Variants in STEAP4 observed in about 807,000 individuals in gnomAD.
The protein encoded by STEAP4 is STEAP4 metalloreductase, also known as metalloreductase STEAP4.
A neutral mutation model predicts 43.6 loss-of-function variants in STEAP4; 36 were observed. That is an observed-to-expected ratio of 0.83 (90% CI 0.63 to 1.09). The LOEUF is 1.09. Among genes scored for constraint, STEAP4 ranks in the 50% least tolerant of loss-of-function variants. The pLI is 0.00. For synonymous variants in STEAP4, 191 were observed against 196.7 expected, an observed-to-expected ratio of 0.97 and a Z score of 0.24; for missense variants, 495 against 546.5, an observed-to-expected ratio of 0.91 and a Z score of 0.94.
rs1852542633 is a variant in STEAP4 at position 88,278,039 on chromosome 7, T to G, written c.*1359A>C. On this transcript the variant is annotated 3_prime_UTR_variant, in exon 5 of 5. Transcript: ENST00000380079. ...TTTTAATCATTTTTGTATAATGTCA[T>G]GTATAATATGTTATAATGAAAGTAA... 6.6e-6 allele frequency: 1 copy of G among 151,454 alleles called. No homozygotes were observed. The highest frequency in any genetic ancestry group is 2.4e-5 in the African/African-American group (1 of 41,266). 9.4% of individuals were successfully genotyped at this position (151,454 alleles called of 1,614,324 possible).
rs1852472694 is a variant in STEAP4 at position 88,273,699 on chromosome 7, T to A, written c.*5699A>T. 6.6e-6 allele frequency: 1 copy of A among 152,178 alleles called. No individual in the cohort carries two copies. Among genetic ancestry groups the A allele is most frequent in the East Asian group, 1.9e-4 (1 of 5,186 alleles). The allele number at this position is 152,178 out of a possible 1,614,324, so 9.4% of individuals were successfully genotyped here. A position where few individuals can be genotyped will look rare whatever the true frequency, so the allele number is the denominator to read the frequency against. ...TTTAAGCTCTGGAGAAGAGCTATCC[T>A]CTCCTTGACTGCCCCTTCGAGTCCT... On this transcript the variant is annotated 3_prime_UTR_variant, in exon 5 of 5. Transcript: ENST00000380079.
At chr7:88,296,907 A>C (rs1413593268) in intron 1 of STEAP4, among the ~76,000 whole-genome samples, 1 of 152,170 alleles carries the variant, frequency 6.6e-6, no homozygotes, top group Non-Finnish European at 1.5e-5. Context: ...AGTTTATTAA[A>C]AAAAAGAATG....
intron 1 of STEAP4, among the ~76,000 whole-genome samples, chr7:88,285,131 T>C (rs1042856876): frequency 6.6e-6 from 1 of 152,030 alleles, no homozygotes; most frequent in Non-Finnish European, 1.5e-5. Context: ...AAAAGTATCA[T>C]ACATACAAAA....
intron 1 of STEAP4, among the ~76,000 whole-genome samples, chr7:88,285,303 A>T (rs1020910798): frequency 6.6e-6 from 1 of 152,180 alleles, no homozygotes; most frequent in Admixed American, 6.5e-5. Context: ...CAACATATGT[A>T]TGAAAAATAT....
Position 88,282,944 on chromosome 7 carries a change from A to G in STEAP4, c.681T>C (p.Tyr227=), listed in dbSNP as rs1852650422. 6.2e-7 allele frequency: 1 copy of G among 1,613,954 alleles called. No individual in the cohort carries two copies. The highest frequency in any genetic ancestry group is 1.3e-5 in the African/African-American group (1 of 74,936). Residue 227 remains tyrosine (Y), a synonymous_variant, in exon 3 of 5, where the codon TAT becomes TAC. Coordinates refer to ENST00000380079, the MANE Select transcript of STEAP4 (RefSeq NM_024636.4). ...ATGTATTATCTTTCTTTTCATAAAC[A>G]TAAGGGTAGATTACGTCTCTTATAA... ...YCVIRDVIYP[Y]VYEKKDNTFR... is the part of the protein sequence containing the mutation.
At chr7:88,289,062 G>A (rs528623899) in intron 1 of STEAP4, among the ~76,000 whole-genome samples, 3 of 109,804 alleles carry the variant, frequency 2.7e-5, no homozygotes, top group South Asian at 2.4e-4. Context: ...ATGCATGCGC[G>A]TGTGTGTGTG....
At chr7:88,291,080 T>C (rs1156603277) in intron 1 of STEAP4, 1 of 152,116 alleles carries the variant, frequency 6.6e-6, no homozygotes, top group African/African-American at 2.4e-5. Flanking sequence ...TTGAATCAAG[T>C]ATCTAATTAA....
At chr7:88,287,242 C>A (rs530924502) in intron 1 of STEAP4, among the ~76,000 whole-genome samples, 3 of 152,312 alleles carry the variant, frequency 2.0e-5, no homozygotes, top group Admixed American at 6.5e-5. Flanking sequence ...GTCAGCAGCA[C>A]CCCACTGGCA....
chr7:88,295,089 C>T (rs914609211), intron 1 of STEAP4, among the ~76,000 whole-genome samples: 2 of 152,072 alleles, frequency 1.3e-5, no homozygotes, highest in Admixed American at 6.6e-5. Context: ...AGACAACAGT[C>T]TTTCATCAGT....
At position 88,271,871 on chromosome 7, in the gene STEAP4, G is replaced by T. The variant is rs1416227577; in HGVS notation, c.*7527C>A. ...ATTTGGATTTTTGCCCATCTACTAG[G>T]TGAGAAATGGTATTGATACAGTTAC... On this transcript the variant is annotated 3_prime_UTR_variant, in exon 5 of 5. Coordinates refer to ENST00000380079, the MANE Select transcript of STEAP4 (RefSeq NM_024636.4). 1 of 152,192 alleles carries T rather than the reference G, an allele frequency of 6.6e-6. No homozygotes were observed. The highest frequency in any genetic ancestry group is 1.5e-5 in the Non-Finnish European group (1 of 68,036). 9.4% of individuals were successfully genotyped at this position (152,192 alleles called of 1,614,324 possible).
At chr7:88,301,658 C>T (rs1045020681) in intron 1 of STEAP4, among the ~76,000 whole-genome samples, 2 of 151,876 alleles carry the variant, frequency 1.3e-5, no homozygotes, top group African/African-American at 4.8e-5. Flanking sequence ...ATTCTCCCAC[C>T]TCAGCCTCCT....
Position 88,284,099 on chromosome 7 carries a change from T to C in STEAP4, c.171A>G (p.Leu57=). The C allele has an allele frequency of 1.9e-6, 3 of 1,614,176 alleles. No individual in the cohort carries two copies. The highest frequency in any genetic ancestry group is 2.5e-6 in the Non-Finnish European group (3 of 1,180,038). ...FGSRNPQKTT[L]LPSGAEVLSY... ...TCAAGACTTCTGCACCACTGGGCAG[T>C]AGGGTGGTCTTCTGGGGGTTTCGAC... The change falls in exon 2 of 5, where the codon CTA becomes CTG. Residue 57 remains leucine (L), a synonymous_variant. Transcript: ENST00000380079.
chr7:88,285,534 G>C (rs1382823065), intron 1 of STEAP4, among the ~76,000 whole-genome samples: 1 of 151,882 alleles, frequency 6.6e-6, no homozygotes, highest in East Asian at 1.9e-4. Flanking sequence ...ATAAAGTTCT[G>C]GCCAGGCACA....
intron 1 of STEAP4, among the ~76,000 whole-genome samples, chr7:88,291,249 T>C (rs542415584): frequency 3.1e-4 from 47 of 152,090 alleles, no homozygotes; most frequent in African/African-American, 1.0e-3. Flanking sequence ...CTATATAAAA[T>C]GGCGTTTGAG....
chr7:88,283,222 A>G (rs2115959955), intron 2 of STEAP4, 54 bp from the exon 3 acceptor site: 1 of 1,485,240 alleles, frequency 6.7e-7, no homozygotes, highest in East Asian at 2.3e-5. Context: ...CTTATTTAAT[A>G]ATTATTTTGA....
rs138747484 is a variant in STEAP4, at chr7:88,302,400, C to T, written c.-3+4392G>A. Among the ~76,000 whole-genome samples the T allele has an allele frequency of 5.8e-3, 873 of 149,942 alleles. 17 individuals are homozygous for T. The highest frequency in any genetic ancestry group is 0.019 in the African/African-American group (782 of 40,746). On this transcript the variant is annotated intron_variant, in intron 1 of 4. Transcript: ENST00000380079. Reference sequence around the variant, plus strand: ...CAGACGAATGTGTAGAGAGGATGGGCGCCTACAGGCTAGGAGGGACTTGAA... The same window carrying T: ...CAGACGAATGTGTAGAGAGGATGGGTGCCTACAGGCTAGGAGGGACTTGAA...
At chr7:88,291,438 G>T (rs1453322197) in intron 1 of STEAP4, among the ~76,000 whole-genome samples, 1 of 149,752 alleles carries the variant, frequency 6.7e-6, no homozygotes, top group African/African-American at 2.5e-5. Flanking sequence ...AGTGAGCCGA[G>T]ATCGCACTGC....
Position 88,278,573 on chromosome 7 carries a change from G to T in STEAP4, c.*825C>A, listed in dbSNP as rs1852553752. On this transcript the variant is annotated 3_prime_UTR_variant, in exon 5 of 5. Coordinates refer to ENST00000380079, the MANE Select transcript of STEAP4 (RefSeq NM_024636.4). ...CAATTTTACAATATTTATTTAGCTTGCTGTCTAAAATTCTGGTTTCTTTGA... is the reference window on the plus strand; with the variant it reads ...CAATTTTACAATATTTATTTAGCTTTCTGTCTAAAATTCTGGTTTCTTTGA... The T allele has an allele frequency of 6.6e-6, 1 of 152,130 alleles. No homozygotes were observed. The highest frequency in any genetic ancestry group is 1.5e-5 in the Non-Finnish European group (1 of 68,016). The allele number at this position is 152,130 out of a possible 1,614,324, so 9.4% of individuals were successfully genotyped here. A position where few individuals can be genotyped will look rare whatever the true frequency, so the allele number is the denominator to read the frequency against.
chr7:88,281,659 G>C (rs1196947423), intron 3 of STEAP4: 1 of 152,152 alleles, frequency 6.6e-6, no homozygotes, highest in African/African-American at 2.4e-5. Flanking sequence ...TAATTTTTGA[G>C]ACTGAAGTAA....
Sources: gnomAD v4.1 joint callset for allele counts (sites outside exome capture counted in the v4.1 genomes callset) on GRCh38, gnomAD v4.1.1 for gene constraint, MANE v1.5 for transcripts, NCBI Gene and HGNC (gene_info 2026-07-23, HGNC 2026-07-21) for gene names.